Variants in CFTR observed in about 807,000 individuals in gnomAD.
The protein encoded by CFTR is CF transmembrane conductance regulator, also known as cystic fibrosis transmembrane conductance regulator.
Under a neutral mutation model 171.6 loss-of-function variants are expected in CFTR, and 181 were observed. The ratio of observed to expected loss-of-function variants is 1.05; its 90% CI spans 0.93 to 1.19. The LOEUF (loss-of-function observed/expected upper bound fraction) is 1.19. Among genes scored for constraint, CFTR ranks in the 50% most tolerant of loss-of-function variants. The pLI is 0.00. For missense variants in CFTR, 1,968 were observed against 1,734.7 expected (o/e 1.13, Z -2.39); for synonymous variants, 583 against 608.0 (o/e 0.96, Z 0.60).
chr7:117,551,215 A>C (rs1799264628), intron 10 of CFTR, among the ~76,000 whole-genome samples: 1 of 152,222 alleles, frequency 6.6e-6, no homozygotes, highest in Non-Finnish European at 1.5e-5. Context: ...ATTTTGGTGT[A>C]GTTCTATAAT....
Position 117,540,320 on chromosome 7 carries a change from T to A in CFTR, c.1090T>A (p.Ser364Thr). Reference sequence around the variant, plus strand: ...CTGGGCTGTACAAACATGGTATGACTCTCTTGGAGCAATAAACAAAATACA... The same window carrying A: ...CTGGGCTGTACAAACATGGTATGACACTCTTGGAGCAATAAACAAAATACA... ...FPWAVQTWYD[S>T]LGAINKIQDF... is the part of the protein sequence containing the mutation. Residue 364 changes from serine (S) to threonine (T), a missense_variant, in exon 8 of 27, where the codon TCT becomes ACT. Coordinates refer to ENST00000003084, the MANE Select transcript of CFTR (RefSeq NM_000492.4). The A allele has an allele frequency of 6.2e-7, 1 of 1,613,870 alleles. No homozygotes were observed. The highest frequency in any genetic ancestry group is 1.1e-5 in the South Asian group (1 of 91,066).
intron 1 of CFTR, among the ~76,000 whole-genome samples, chr7:117,489,322 A>T (rs1196630148): frequency 6.6e-6 from 1 of 152,126 alleles, no homozygotes; most frequent in Non-Finnish European, 1.5e-5. Flanking sequence ...CTGAAGAAGA[A>T]AGTGGTAGGT....
intron 3 of CFTR, among the ~76,000 whole-genome samples, chr7:117,517,901 TG>T (rs1798619465): frequency 6.6e-6 from 1 of 152,218 alleles, no homozygotes; most frequent in Non-Finnish European, 1.5e-5. Context: ...TTGATGGGGT[TG>T]TTTTTTTCCT....
chr7:117,490,439 A>G (rs1446390544), intron 1 of CFTR, among the ~76,000 whole-genome samples: 3 of 151,896 alleles, frequency 2.0e-5, no homozygotes, highest in Non-Finnish European at 4.4e-5. Context: ...CAGGAAACCC[A>G]GGAGAGTCAA....
chr7:117,593,115 T>C (rs1792061619), intron 14 of CFTR, among the ~76,000 whole-genome samples: 2 of 152,216 alleles, frequency 1.3e-5, no homozygotes, highest in Non-Finnish European at 1.5e-5. Flanking sequence ...TTCTGGTTTG[T>C]ATATCAGTCT....
Position 117,536,682 on chromosome 7 carries a change from T to C in CFTR, c.869+9T>C, listed in dbSNP as rs1798964448. The C allele has an allele frequency of 1.9e-6, 3 of 1,607,672 alleles. No individual in the cohort carries two copies. Among genetic ancestry groups the C allele is most frequent in the Non-Finnish European group, 2.5e-6 (3 of 1,176,644 alleles). ...ATTGAAAACTTAAGACAGTAAGTTG[T>C]TCCAATAATTTCAATATTGTTAGTA... On this transcript the variant is annotated intron_variant, in intron 7 of 26. Transcript: ENST00000003084.
At chr7:117,608,352 G>A (rs975064265) in intron 18 of CFTR, among the ~76,000 whole-genome samples, 3 of 152,034 alleles carry the variant, frequency 2.0e-5, no homozygotes, top group Non-Finnish European at 4.4e-5. Flanking sequence ...TTACAGGCGC[G>A]CACCACCATG....
At chr7:117,604,928 A>T (rs1309361698) in intron 17 of CFTR, 1 of 152,224 alleles carries the variant, frequency 6.6e-6, no homozygotes, top group Non-Finnish European at 1.5e-5. Flanking sequence ...CTGAGCTCTG[A>T]GTTGGCGCTA....
chr7:117,594,952 A>T lies in CFTR; in HGVS notation c.2513A>T (p.Glu838Val). 6.2e-7 allele frequency: 1 copy of T among 1,612,878 alleles called. No individual in the cohort carries two copies. The change falls in exon 15 of 27, where the codon GAG becomes GTG. Residue 838 changes from glutamate to valine, a missense_variant. Transcript: ENST00000003084. ...CAGGAGTGCTTTTTTGATGATATGG[A>T]GAGCATACCAGCAGTGACTACATGG... ...DLKECFFDDMESIPAVTTWNT... is the reference protein window; with the variant it reads ...DLKECFFDDMVSIPAVTTWNT...
intron 14 of CFTR, among the ~76,000 whole-genome samples, chr7:117,594,427 T>A (rs1429078206): frequency 6.6e-6 from 1 of 152,196 alleles, no homozygotes; most frequent in Non-Finnish European, 1.5e-5. Flanking sequence ...GTAATTTAAA[T>A]CACAGCTGGA....
In CFTR at chr7:117,591,988, G is replaced by A. The variant is rs1792032500; in HGVS notation, c.1821G>A (p.Met607Ile). The A allele has an allele frequency of 2.5e-6, 4 of 1,597,154 alleles. No individual in the cohort carries two copies. The South Asian group carries it at 3.5e-5, about 14-fold the overall frequency. ...NKTRILVTSK[M>I]EHLKKADKIL... ...CTAGGATTTTGGTCACTTCTAAAAT[G>A]GAACATTTAAAGAAAGCTGACAAAA... The change falls in exon 14 of 27, where the codon ATG becomes ATA. Residue 607 changes from methionine (M) to isoleucine (I), a missense_variant. Met to Ile is a conservative substitution (Grantham distance 10). Transcript: ENST00000003084.
rs528783722 is a variant in CFTR, at chr7:117,623,994, TC to T, written c.3469-3527del. ...TTATATGCATAGTTTGGATTTGGAT[TC>T]TTTTTTTTTTAAGAGTTCCCCAAAT... On this transcript the variant is annotated intron_variant, in intron 21 of 26. Transcript: ENST00000003084. 1.2e-3 allele frequency among the ~76,000 whole-genome samples: 187 copies of T among 152,208 alleles called. 1 individual carries two copies. Among genetic ancestry groups the T allele is most frequent in the African/African-American group, 4.0e-3 (167 of 41,558 alleles).
chr7:117,584,021 T>G (rs1031680614), intron 11 of CFTR, among the ~76,000 whole-genome samples: 4 of 150,132 alleles, frequency 2.7e-5, no homozygotes, highest in South Asian at 2.1e-4. Flanking sequence ...GAATTATTTG[T>G]TTTTTTTTCT....
At chr7:117,480,209 T>A (rs1218808101) in intron 1 of CFTR, 62 bp downstream of exon 1, 1 of 1,507,470 alleles carries the variant, frequency 6.6e-7, no homozygotes, top group African/African-American at 1.4e-5. Flanking sequence ...AGGGCGTGTG[T>A]ATGGGTTGGG....
Position 117,627,727 on chromosome 7 carries a change from C to T in CFTR, c.3674C>T (p.Ala1225Val), listed in dbSNP as rs770358073. The T allele has an allele frequency of 7.4e-6, 12 of 1,612,694 alleles. No individual in the cohort carries two copies. The highest frequency in any genetic ancestry group is 1.0e-5 in the Non-Finnish European group (12 of 1,179,264). The change falls in exon 22 of 27, where the codon GCC (alanine) becomes GTC (valine). Residue 1225 changes from alanine to valine, a missense_variant. Physicochemically the swap from Ala to Val is moderately conservative, Grantham distance 64 (BLOSUM62 0). Coordinates refer to ENST00000003084, the MANE Select transcript of CFTR (RefSeq NM_000492.4). ...LTAKYTEGGN[A>V]ILENISFSIS... The stretch of plus-strand genomic sequence containing the variant: ...GCAAAATACACAGAAGGTGGAAATG[C>T]CATATTAGAGAACATTTCCTTCTCA...
At chr7:117,558,030 C>T (rs1799388940) in intron 10 of CFTR, among the ~76,000 whole-genome samples, 1 of 152,046 alleles carries the variant, frequency 6.6e-6, no homozygotes, top group African/African-American at 2.4e-5. Flanking sequence ...ATAAAGTATA[C>T]TCACATAGTT....
At chr7:117,496,482 G>A (rs1798243060) in intron 1 of CFTR, among the ~76,000 whole-genome samples, 1 of 152,110 alleles carries the variant, frequency 6.6e-6, no homozygotes, top group Non-Finnish European at 1.5e-5. Context: ...GGGATTATAG[G>A]TGTGAGCCAC....
chr7:117,524,196 A>C (rs1041276517), intron 3 of CFTR, among the ~76,000 whole-genome samples: 4 of 152,210 alleles, frequency 2.6e-5, no homozygotes, highest in African/African-American at 9.6e-5. Flanking sequence ...CAGTGTTCAC[A>C]GGTCATACCT....
chr7:117,589,974 C>T (rs1189948203), intron 12 of CFTR, among the ~76,000 whole-genome samples: 1 of 151,894 alleles, frequency 6.6e-6, no homozygotes, highest in African/African-American at 2.4e-5. Context: ...GTACTTGCCT[C>T]TAAATAGATA....
Sources: gnomAD v4.1 joint callset for allele counts (sites outside exome capture counted in the v4.1 genomes callset) on GRCh38, gnomAD v4.1.1 for gene constraint, MANE v1.5 for transcripts, NCBI Gene and HGNC (gene_info 2026-07-23, HGNC 2026-07-21) for gene names.